Variants in PPIP5K1 observed in about 807,000 individuals in gnomAD.
The protein encoded by PPIP5K1 is inositol hexakisphosphate and diphosphoinositol-pentakisphosphate kinase 1.
In PPIP5K1, 6 loss-of-function variants were observed where a neutral mutation model predicts 27.7. The ratio of observed to expected loss-of-function variants is 0.22; its 90% confidence interval spans 0.12 to 0.43. The LOEUF is 0.43. Ranked by LOEUF, PPIP5K1 falls within the 20% of genes least tolerant of loss-of-function variation. The pLI, the probability that PPIP5K1 is intolerant of heterozygous loss-of-function variation, is 1.00. For synonymous variants in PPIP5K1, 145 were observed against 242.6 expected (o/e 0.60, Z 3.74); for missense variants, 394 against 635.4 (o/e 0.62, Z 4.08).
chr15:43,545,266 A>G (rs1305828604), intron 30 of PPIP5K1, among the ~76,000 whole-genome samples: 1 of 152,054 alleles, frequency 6.6e-6, no homozygotes, highest in Non-Finnish European at 1.5e-5. Context: ...TAGAGATTGT[A>G]CCATTTTGTA....
intron 30 of PPIP5K1, among the ~76,000 whole-genome samples, chr15:43,550,339 T>G (rs550175689): frequency 1.3e-5 from 2 of 151,886 alleles, no homozygotes; most frequent in Non-Finnish European, 2.9e-5. Flanking sequence ...AGAGAGAGTG[T>G]CTCCCTATGT....
At chr15:43,540,011 A>G (rs2080450925) in intron 30 of PPIP5K1, among the ~76,000 whole-genome samples, 1 of 152,100 alleles carries the variant, frequency 6.6e-6, no homozygotes, top group Admixed American at 6.5e-5. Flanking sequence ...CTAACACTTT[A>G]GGAGGTCGAG....
intron 10 of PPIP5K1, among the ~76,000 whole-genome samples, chr15:43,579,475 G>A (rs2141340633): frequency 1.0e-5 from 1 of 98,094 alleles, no homozygotes; most frequent in African/African-American, 8.6e-5. Context: ...ATACACACAT[G>A]TATGCGCATA....
intron 30 of PPIP5K1, among the ~76,000 whole-genome samples, chr15:43,542,699 T>TTA (rs1186591710): frequency 6.7e-6 from 1 of 148,738 alleles, no homozygotes; most frequent in Non-Finnish European, 1.5e-5. Flanking sequence ...TGTGTGTGTT[T>TTA]TAGAGACAGG....
chr15:43,538,668 C>T (rs189334931), intron 31 of PPIP5K1, among the ~76,000 whole-genome samples: 11 of 152,242 alleles, frequency 7.2e-5, no homozygotes, highest in Admixed American at 2.6e-4. Flanking sequence ...CCCACCACCA[C>T]GCTCGGCTAA....
intron 30 of PPIP5K1, among the ~76,000 whole-genome samples, chr15:43,541,547 T>C (rs983733327): frequency 1.3e-5 from 2 of 152,062 alleles, no homozygotes; most frequent in Non-Finnish European, 2.9e-5. Flanking sequence ...AGAAATTCCA[T>C]TTCTACAAAA....
chr15:43,541,460 T>C (rs2080696040), intron 30 of PPIP5K1, among the ~76,000 whole-genome samples: 1 of 152,084 alleles, frequency 6.6e-6, no homozygotes, highest in African/African-American at 2.4e-5. Flanking sequence ...CTCATGCCTG[T>C]AATCCCAGCA....
intron 30 of PPIP5K1, among the ~76,000 whole-genome samples, chr15:43,556,165 C>T (rs140112780): frequency 2.6e-4 from 39 of 151,530 alleles, no homozygotes; most frequent in African/African-American, 9.4e-4. Context: ...TAAAAAAATA[C>T]AAAAATTAGC....
chr15:43,557,596 T>C (rs2083153283), intron 30 of PPIP5K1, among the ~76,000 whole-genome samples: 1 of 152,154 alleles, frequency 6.6e-6, no homozygotes, highest in South Asian at 2.1e-4. Flanking sequence ...ATTTAAAATG[T>C]GGTAGGGCTA....
intron 30 of PPIP5K1, among the ~76,000 whole-genome samples, chr15:43,554,939 A>G (rs2254927): frequency 0.45 from 67,891 of 151,840 alleles, 19,408 homozygotes; most frequent in African/African-American, 0.82. Context: ...AAGTTCAAGC[A>G]ATTCTCCTAC....
At chr15:43,572,433 CAAAAAAAAAAAAA>C (rs1192497589) in intron 23 of PPIP5K1, among the ~76,000 whole-genome samples, 1 of 37,016 alleles carries the variant, frequency 2.7e-5, no homozygotes, top group Non-Finnish European at 5.5e-5. Flanking sequence ...GACCTTGTCT[CAAAAAAAAAAAAA>C]AAAAAAAAAA....
At chr15:43,580,581 TTTAA>T (rs1200993817) in intron 10 of PPIP5K1, among the ~76,000 whole-genome samples, 7 of 127,814 alleles carry the variant, frequency 5.5e-5, no homozygotes, top group South Asian at 4.7e-4. Flanking sequence ...TATTTTTTAA[TTTAA>T]TTAATTAATT....
intron 28 of PPIP5K1, among the ~76,000 whole-genome samples, chr15:43,561,041 TGATGGTATTGTGTA>T (rs1238740645): frequency 8.2e-5 from 10 of 122,030 alleles, no homozygotes; most frequent in East Asian, 2.4e-4. Context: ...AATGAAAAAG[TGATGGTATTGTGTA>T]TCAAGACAGT....
Position 43,545,720 on chromosome 15 carries a change from A to G in PPIP5K1, c.3557-6137T>C, listed in dbSNP as rs192331371. Reference sequence around the variant, plus strand: ...GGCTTTCCTTACTTTCAGATGATAAAGGAATTTACCACTAACACCCTGCTT... The same window carrying G: ...GGCTTTCCTTACTTTCAGATGATAAGGGAATTTACCACTAACACCCTGCTT... On this transcript the variant is annotated intron_variant, in intron 30 of 31. Transcript: ENST00000420765. 1.6e-3 allele frequency among the ~76,000 whole-genome samples: 237 copies of G among 152,216 alleles called. 1 individual carries two copies. The highest frequency in any genetic ancestry group is 5.7e-4 in the Non-Finnish European group (39 of 68,008).
chr15:43,567,415 G>A (rs1427330460), intron 26 of PPIP5K1, among the ~76,000 whole-genome samples: 263 of 1,882 alleles, frequency 0.14, no homozygotes, highest in Middle Eastern at 0.5. Flanking sequence ...ACTGCGCCTG[G>A]CCAGATCTAC....
At position 43,581,183 on chromosome 15, in the gene PPIP5K1, T is replaced by G. The variant is rs370927873; in HGVS notation, c.939+44A>C. 152 of 1,545,998 alleles carry G rather than the reference T, an allele frequency of 9.8e-5. 9 individuals are homozygous for G. Among genetic ancestry groups the G allele is most frequent in the Non-Finnish European group, 1.2e-4 (145 of 1,162,764 alleles). On this transcript the variant is annotated intron_variant, in intron 9 of 31. Transcript: ENST00000420765. ...GTTACTCTTCCCGGACCCCTGTTCC[T>G]TCCTTTCTCCTTCATTTCACAACCT...
intron 30 of PPIP5K1, among the ~76,000 whole-genome samples, chr15:43,551,776 T>G (rs1454008455): frequency 6.6e-6 from 1 of 150,702 alleles, no homozygotes; most frequent in Non-Finnish European, 1.5e-5. Flanking sequence ...CTAATTTTTT[T>G]GTATTTTTAG....
intron 31 of PPIP5K1, among the ~76,000 whole-genome samples, chr15:43,536,758 AG>A (rs1409485674): frequency 6.6e-6 from 1 of 152,184 alleles, no homozygotes; most frequent in Non-Finnish European, 1.5e-5. Context: ...AAGACCTCAG[AG>A]TCTTCAATTA....
At chr15:43,538,147 G>A (rs1477627676) in intron 31 of PPIP5K1, among the ~76,000 whole-genome samples, 1 of 152,094 alleles carries the variant, frequency 6.6e-6, no homozygotes, top group Non-Finnish European at 1.5e-5. Flanking sequence ...CCAGAAAAAG[G>A]GCAAAAATTC....
Sources: allele counts gnomAD v4.1 joint callset (sites outside exome capture counted in the v4.1 genomes callset), GRCh38; gene constraint gnomAD v4.1.1; transcripts MANE v1.5; gene names NCBI Gene and HGNC (gene_info 2026-07-23, HGNC 2026-07-21).